TMPRSS15: variants seen among roughly 807,000 people sequenced by gnomAD.
TMPRSS15 encodes enteropeptidase.
Under a neutral mutation model 125.3 loss-of-function variants are expected in TMPRSS15, and 128 were observed. The observed-to-expected ratio is 1.02, with a 90% CI of 0.89 to 1.18. TMPRSS15 has a LOEUF of 1.18. Among genes scored for constraint, TMPRSS15 ranks in the 50% most tolerant of loss-of-function variants. TMPRSS15 has a pLI of 0.00. For missense variants in TMPRSS15, 1,283 were observed against 1,212.7 expected (o/e 1.06, Z -0.86); for synonymous variants, 446 against 423.2 (o/e 1.05, Z -0.66).
In TMPRSS15 at chr21:18,281,043, T is replaced by C. The variant is rs760882330; in HGVS notation, c.2665A>G (p.Thr889Ala). The C allele has an allele frequency of 2.5e-6, 4 of 1,613,636 alleles. No homozygotes were observed. The South Asian group carries it at 4.4e-5, about 18-fold the overall frequency. ...AAGAGTGATTTTTTTTTTTTACCTG[T>C]GTAATTCACTTTAAATTCCAGATGC... ...MMHLEFKVNY[T>A]DYIQPICLPE... is the part of the protein sequence containing the mutation. Residue 889 changes from threonine (T) to alanine (A), a missense_variant, in exon 22 of 25, where the codon ACA becomes GCA. Thr to Ala is a moderately conservative substitution (Grantham distance 58, BLOSUM62 0). Coordinates refer to ENST00000284885, the MANE Select transcript of TMPRSS15 (RefSeq NM_002772.3).
chr21:18,453,266 G>C (rs1372897618), intron 1 of TMPRSS15, among the ~76,000 whole-genome samples: 1 of 152,080 alleles, frequency 6.6e-6, no homozygotes, highest in Non-Finnish European at 1.5e-5. Flanking sequence ...AAATAAATCT[G>C]ATTATATTTC....
chr21:18,404,445 A>G (rs565928313), upstream of TMPRSS15, among the ~76,000 whole-genome samples: 1 of 152,286 alleles, frequency 6.6e-6, no homozygotes, highest in African/African-American at 2.4e-5. Context: ...TTATCTCTTT[A>G]AATATGCCAA....
At chr21:18,291,023 A>G (rs539232049) in intron 21 of TMPRSS15, among the ~76,000 whole-genome samples, 35 of 152,358 alleles carry the variant, frequency 2.3e-4, no homozygotes, top group African/African-American at 8.4e-4. Flanking sequence ...ATTGTGCAAG[A>G]CTTGGCGTCT....
chr21:18,353,677 T>C, intron 9 of TMPRSS15, 46 bp downstream of exon 9: 2 of 1,565,454 alleles, frequency 1.3e-6, no homozygotes, highest in Non-Finnish European at 1.7e-6. Flanking sequence ...CATCATAACA[T>C]TAAAGCATCT....
chr21:18,417,504 A>G (rs902061506), intron 1 of TMPRSS15, among the ~76,000 whole-genome samples: 22 of 152,158 alleles, frequency 1.4e-4, no homozygotes, highest in African/African-American at 5.3e-4. Flanking sequence ...TCAAGATACT[A>G]CAGAAAAAAG....
At chr21:18,298,120 C>A (rs896921462) in intron 18 of TMPRSS15, among the ~76,000 whole-genome samples, 1 of 152,136 alleles carries the variant, frequency 6.6e-6, no homozygotes, top group Non-Finnish European at 1.5e-5. Flanking sequence ...TTACATATAT[C>A]ACTTAGTTAC....
In TMPRSS15 at chr21:18,308,617, G is replaced by A. The variant is rs1397032845; in HGVS notation, c.2165+4328C>T. Reference sequence around the variant, plus strand: ...CTGAGACTTTTTTTTTTTTTTTAAAGTTCTGGGACACATGTGCAGAACATG... The same window carrying A: ...CTGAGACTTTTTTTTTTTTTTTAAAATTCTGGGACACATGTGCAGAACATG... On this transcript the variant is annotated intron_variant, in intron 18 of 24. Transcript: ENST00000284885. 2.1e-5 allele frequency among the ~76,000 whole-genome samples: 3 copies of A among 145,694 alleles called. 1 individual carries two copies. The highest frequency in any genetic ancestry group is 2.0e-4 in the Admixed American group (3 of 14,642).
At position 18,365,618 on chromosome 21, in the gene TMPRSS15, C is replaced by T. The variant is rs527416615; in HGVS notation, c.665-370G>A. On this transcript the variant is annotated intron_variant, in intron 6 of 24. Transcript: ENST00000284885. ...TCCTTCCTTCTTTCCTTCCTTTTCTCTCTTTCTTTCTCTTTCTCTCTCTTT... is the reference window on the plus strand; with the variant it reads ...TCCTTCCTTCTTTCCTTCCTTTTCTTTCTTTCTTTCTCTTTCTCTCTCTTT... 4.7e-3 allele frequency among the ~76,000 whole-genome samples: 317 copies of T among 67,854 alleles called. 15 individuals carry two copies. Among genetic ancestry groups the T allele is most frequent in the African/African-American group, 0.021 (294 of 14,304 alleles). 44.5% of individuals were successfully genotyped at this position (67,854 alleles called of 152,430 possible).
rs774505357 is a variant in TMPRSS15, at chr21:18,294,339, C to A, written c.2417G>T (p.Gly806Val). 1 of 1,614,122 alleles carries A rather than the reference C, an allele frequency of 6.2e-7. No individual in the cohort carries two copies. The highest frequency in any genetic ancestry group is 1.3e-5 in the African/African-American group (1 of 74,954). The change falls in exon 21 of 25, where the codon GGC becomes GTC. Residue 806 changes from glycine to valine, a missense_variant. Transcript: ENST00000284885. ...WPWVVGLYYG[G>V]RLLCGASLVS... The stretch of plus-strand genomic sequence containing the variant: ...GAGAGATGCGCCGCAGAGCAGTCGG[C>A]CGCCATAATACAGACCCACAACCCA...
At chr21:18,315,119 A>C in intron 17 of TMPRSS15, 27 bp downstream of exon 17, 3 of 1,562,682 alleles carry the variant, frequency 1.9e-6, no homozygotes, top group Non-Finnish European at 2.6e-6. Flanking sequence ...AAAGTCATAA[A>C]AGTATTTTCC....
At chr21:18,458,426 T>TGAAAC (rs1978483412) in intron 1 of TMPRSS15, among the ~76,000 whole-genome samples, 1 of 152,190 alleles carries the variant, frequency 6.6e-6, no homozygotes, top group Non-Finnish European at 1.5e-5. Context: ...TGTTAGGTCT[T>TGAAAC]TGAGGTTTCA....
chr21:18,476,788 C>T (rs1978886744), intron 1 of TMPRSS15, among the ~76,000 whole-genome samples: 1 of 152,066 alleles, frequency 6.6e-6, no homozygotes, highest in Admixed American at 6.6e-5. Flanking sequence ...TTTCTAGGCA[C>T]AGTAAAGTAG....
intron 1 of TMPRSS15, among the ~76,000 whole-genome samples, chr21:18,458,924 T>C (rs1315706348): frequency 6.6e-6 from 1 of 152,170 alleles, no homozygotes; most frequent in Admixed American, 6.6e-5. Flanking sequence ...GAAATAAAAT[T>C]TATCTTTTTT....
intron 1 of TMPRSS15, among the ~76,000 whole-genome samples, chr21:18,480,257 T>C (rs1166003408): frequency 1.3e-5 from 2 of 151,958 alleles, no homozygotes; most frequent in African/African-American, 2.4e-5. Flanking sequence ...ATGCTGGTTT[T>C]AGTATCTGAA....
intron 5 of TMPRSS15, among the ~76,000 whole-genome samples, chr21:18,374,474 C>T (rs1259924295): frequency 2.3e-5 from 2 of 87,660 alleles, no homozygotes; most frequent in Non-Finnish European, 4.3e-5. Flanking sequence ...AGCGAGACTC[C>T]GTCTCAAAAA....
intron 8 of TMPRSS15, among the ~76,000 whole-genome samples, chr21:18,358,108 T>C (rs922612103): frequency 6.6e-6 from 1 of 151,820 alleles, no homozygotes; most frequent in Non-Finnish European, 1.5e-5. Flanking sequence ...CACATCTCTA[T>C]GGCTAAACAT....
chr21:18,454,607 A>C (rs1250615075), intron 1 of TMPRSS15, among the ~76,000 whole-genome samples: 1 of 152,114 alleles, frequency 6.6e-6, no homozygotes, highest in African/African-American at 2.4e-5. Flanking sequence ...CAAAGCCAAG[A>C]GTCTGAGAGG....
At chr21:18,377,328 G>A (rs932529255) in intron 5 of TMPRSS15, among the ~76,000 whole-genome samples, 1 of 151,982 alleles carries the variant, frequency 6.6e-6, no homozygotes, top group Non-Finnish European at 1.5e-5. Context: ...TTTAAATTTA[G>A]GGTTTTTTAT....
intron 18 of TMPRSS15, among the ~76,000 whole-genome samples, chr21:18,304,922 A>G (rs2075013932): frequency 6.6e-6 from 1 of 152,176 alleles, no homozygotes; most frequent in Non-Finnish European, 1.5e-5. Context: ...CACTTGGGTG[A>G]CAAAATACAT....
Sources: gnomAD v4.1 joint callset for allele counts (sites outside exome capture counted in the v4.1 genomes callset) on GRCh38, gnomAD v4.1.1 for gene constraint, MANE v1.5 for transcripts, NCBI Gene and HGNC (gene_info 2026-07-23, HGNC 2026-07-21) for gene names.